The following ZNF280C variants were observed in gnomAD, a reference collection of about 807,000 sequenced individuals.
The protein encoded by ZNF280C is suppressor of hairy wing homolog 3.
In ZNF280C, 14 loss-of-function variants were observed where a neutral mutation model predicts 53.6. The observed-to-expected ratio is 0.26, with a 90% CI of 0.17 to 0.41. The LOEUF (loss-of-function observed/expected upper bound fraction) is 0.41. Ranked by LOEUF, ZNF280C falls within the 10% of genes least tolerant of loss-of-function variation. The pLI, the probability that ZNF280C is intolerant of heterozygous loss-of-function variation, is 1.00. For missense variants in ZNF280C, 416 were observed against 547.1 expected, an observed-to-expected ratio of 0.76 and a Z score of 2.39; for synonymous variants, 203 against 181.1, an observed-to-expected ratio of 1.12 and a Z score of -0.97.
intron 2 of ZNF280C, among the ~76,000 whole-genome samples, chrX:130,258,751 C>T (rs990995853): frequency 8.9e-5 from 10 of 112,219 alleles, no homozygotes; most frequent in Admixed American, 2.8e-4. Flanking sequence ...ACTGCTTCTT[C>T]CACCTGGAAT....
At chrX:130,216,414 G>A (rs771936395) in intron 13 of ZNF280C, among the ~76,000 whole-genome samples, 2 of 112,140 alleles carry the variant, frequency 1.8e-5, no homozygotes, top group East Asian at 5.6e-4. Context: ...GTGAGCATGA[G>A]TTAGGCAACG....
chrX:130,242,440 C>T (rs1328760609), intron 5 of ZNF280C, among the ~76,000 whole-genome samples: 1 of 111,736 alleles, frequency 8.9e-6, no homozygotes, highest in Non-Finnish European at 1.9e-5. Context: ...ATAATGACTT[C>T]AGAACACTCT....
intron 16 of ZNF280C, among the ~76,000 whole-genome samples, chrX:130,208,645 T>C (rs1490454730): frequency 8.9e-6 from 1 of 111,781 alleles, no homozygotes; most frequent in Admixed American, 9.5e-5. Context: ...TAACACCTAA[T>C]ATATTTTACT....
Position 130,209,732 on chromosome X carries a change from C to G in ZNF280C, c.1980-17G>C. The G allele has an allele frequency of 8.5e-7, 1 of 1,176,530 alleles. No homozygotes were observed. The highest frequency in any genetic ancestry group is 1.1e-6 in the Non-Finnish European group (1 of 871,232). ...CTATGAGAGCTGGAGAAACACGAGA[C>G]AAACAAGATTTTATTAATTTTATTA... is the stretch of plus-strand genomic sequence containing the variant. On this transcript the variant is annotated splice_polypyrimidine_tract_variant and intron_variant, in intron 15 of 18. Transcript: ENST00000370978.
chrX:130,251,789 A>G (rs1272053965), intron 2 of ZNF280C, among the ~76,000 whole-genome samples: 2 of 37,464 alleles, frequency 5.3e-5, no homozygotes, highest in South Asian at 1.1e-3. Flanking sequence ...ACTTCGTCTG[A>G]AAAAAAAAAA....
intron 12 of ZNF280C, among the ~76,000 whole-genome samples, 163 bp from the exon 13 acceptor site, chrX:130,220,643 T>C (rs1365624931): frequency 8.9e-6 from 1 of 111,887 alleles, no homozygotes; most frequent in Non-Finnish European, 1.9e-5. Flanking sequence ...ACTCCTTGTG[T>C]TAGTATTTGA....
chrX:130,224,401 T>C (rs1463198763), intron 12 of ZNF280C, among the ~76,000 whole-genome samples: 1 of 111,780 alleles, frequency 8.9e-6, no homozygotes, highest in East Asian at 2.8e-4. Flanking sequence ...TAGCATGTTA[T>C]AGTAGCTCAA....
chrX:130,235,294 C>T (rs937327525), intron 8 of ZNF280C, among the ~76,000 whole-genome samples: 6 of 112,298 alleles, frequency 5.3e-5, no homozygotes, highest in Non-Finnish European at 1.1e-4. Flanking sequence ...CCAGTGGATC[C>T]ACTTGATGCC....
At chrX:130,255,659 A>G (rs1191025655) in intron 2 of ZNF280C, among the ~76,000 whole-genome samples, 1 of 112,139 alleles carries the variant, frequency 8.9e-6, no homozygotes, top group Non-Finnish European at 1.9e-5. Flanking sequence ...TCAGAATATC[A>G]GAAATTGCCA....
chrX:130,205,150 G>T lies in ZNF280C; in HGVS notation c.2165C>A (p.Ser722Tyr). The change falls in exon 18 of 19, where the codon TCC becomes TAC. Residue 722 changes from serine to tyrosine, a missense_variant. By Grantham distance (144) the Ser-to-Tyr change is moderately radical. Around this residue, in one of 3 missense-constraint regions of ZNF280C, gnomAD observed 151 missense variants for 176.9 expected, o/e 0.85. Transcript: ENST00000370978. ...GGGTTCAGAAGTTGAGGTACTTTTGGAAACTGAAATCAAAAGAGTTTTACA... is the reference window on the plus strand; with the variant it reads ...GGGTTCAGAAGTTGAGGTACTTTTGTAAACTGAAATCAAAAGAGTTTTACA... ...HTCQVIIENV[S>Y]KSTSTSEPTT... The T allele has an allele frequency of 8.3e-7, 1 of 1,200,539 alleles. No homozygotes were observed. The highest frequency in any genetic ancestry group is 1.1e-6 in the Non-Finnish European group (1 of 889,670).
intron 12 of ZNF280C, among the ~76,000 whole-genome samples, chrX:130,225,842 G>A (rs1015473443): frequency 4.5e-5 from 5 of 111,893 alleles, no homozygotes; most frequent in African/African-American, 3.2e-5. Flanking sequence ...TCAACTTGCC[G>A]AGACAATGCA....
intron 13 of ZNF280C, among the ~76,000 whole-genome samples, chrX:130,216,417 A>C (rs1258811059): frequency 1.8e-5 from 2 of 112,307 alleles, no homozygotes; most frequent in African/African-American, 6.5e-5. Context: ...AGCATGAGTT[A>C]GGCAACGGTT....
intron 8 of ZNF280C, among the ~76,000 whole-genome samples, chrX:130,232,494 T>C (rs926241518): frequency 2.7e-5 from 3 of 110,301 alleles, no homozygotes; most frequent in Non-Finnish European, 3.8e-5. Flanking sequence ...TACAACTCAA[T>C]AGCAAAAAAC....
At chrX:130,208,409 T>TG (rs1478207171) in intron 16 of ZNF280C, among the ~76,000 whole-genome samples, 1 of 111,487 alleles carries the variant, frequency 9.0e-6, no homozygotes, top group Non-Finnish European at 1.9e-5. Flanking sequence ...GGATTACAGG[T>TG]GTGAGCCACT....
At chrX:130,223,686 T>C (rs1372129650) in intron 12 of ZNF280C, among the ~76,000 whole-genome samples, 1 of 112,276 alleles carries the variant, frequency 8.9e-6, no homozygotes, top group African/African-American at 3.2e-5. Context: ...TGAGGATATT[T>C]AACACATGTG....
At chrX:130,247,042 A>G in intron 2 of ZNF280C, 37 bp from the exon 3 acceptor site, 1 of 1,154,116 alleles carries the variant, frequency 8.7e-7, no homozygotes, top group Non-Finnish European at 1.2e-6. Context: ...CTTTATTTTC[A>G]AAGAGAAAAA....
At chrX:130,222,276 CCACACACACACACACACACACACA>C (rs59694150) in intron 12 of ZNF280C, among the ~76,000 whole-genome samples, 9 of 69,937 alleles carry the variant, frequency 1.3e-4, no homozygotes, top group Admixed American at 1.7e-4. Context: ...CATTCAGACA[CCACACACACACACACACACACACA>C]CACACACACA....
intron 1 of ZNF280C, among the ~76,000 whole-genome samples, 200 bp downstream of exon 1, chrX:130,268,562 G>C (rs751280329): frequency 4.5e-5 from 5 of 111,922 alleles, no homozygotes; most frequent in African/African-American, 1.6e-4. Flanking sequence ...TCCCCCTTCA[G>C]GGCCCGGCGC....
rs1459687626 is a variant in ZNF280C at position 130,216,026 on chromosome X, A to T, written c.1603T>A (p.Ser535Thr). 8.3e-7 allele frequency: 1 copy of T among 1,211,677 alleles called. No homozygotes were observed. Among genetic ancestry groups the T allele is most frequent in the South Asian group, 1.8e-5 (1 of 56,990 alleles). The change falls in exon 14 of 19, where the codon TCT (serine) becomes ACT (threonine). Residue 535 changes from serine (S) to threonine (T), a missense_variant. Physicochemically the swap from Ser to Thr is moderately conservative, Grantham distance 58 (BLOSUM62 1). Coordinates refer to ENST00000370978, the MANE Select transcript of ZNF280C (RefSeq NM_017666.5). ...TAPFGCAPGTSFLQVTPPTSQ... is the reference protein window; with the variant it reads ...TAPFGCAPGTTFLQVTPPTSQ... ...GTCGGAGGTGTGACCTGAAGAAAAG[A>T]AGTGCCTGGAGCGCAACCGAAAGGT...
Sources: gnomAD v4.1 joint callset for allele counts (sites outside exome capture counted in the v4.1 genomes callset) on GRCh38, gnomAD v4.1.1 for gene constraint, gnomAD v4.1.1 regional missense constraint, MANE v1.5 for transcripts, NCBI Gene and HGNC (gene_info 2026-07-23, HGNC 2026-07-21) for gene names.